The following TTN variants were observed in gnomAD, a reference collection of about 807,000 sequenced individuals.
The protein encoded by TTN is connectin.
In TTN, 1,525 loss-of-function variants were observed where a neutral mutation model predicts 3,223.0. The ratio of observed to expected loss-of-function variants is 0.47; its 90% CI spans 0.45 to 0.49. The LOEUF is 0.49. Among genes scored for constraint, TTN ranks in the 20% least tolerant of loss-of-function variants. The probability of loss-of-function intolerance (pLI) is 0.00; values close to 1 mark genes in which losing one functional copy is unlikely to be tolerated. For synonymous variants in TTN, 14,094 were observed against 15,161.0 expected, an observed-to-expected ratio of 0.93 and a Z score of 5.17; for missense variants, 40,786 against 43,424.0, an observed-to-expected ratio of 0.94 and a Z score of 5.40.
intron 47 of TTN, chr2:178,749,683 T>G (rs752168350): frequency 6.2e-7 from 1 of 1,613,012 alleles, no homozygotes; most frequent in Admixed American, 1.7e-5. Context: ...CACTTTCAAC[T>G]GCCCCTGAAT....
rs997380608 is a variant in TTN, at chr2:178,634,207, G to C, written c.42416-124C>G. 5 of 1,487,564 alleles carry C rather than the reference G, an allele frequency of 3.4e-6. No homozygotes were observed. The Admixed American group carries it at 7.9e-5, about 23-fold the overall frequency. 92.1% of individuals were successfully genotyped at this position (1,487,564 alleles called of 1,614,324 possible). A position where few individuals can be genotyped will look rare whatever the true frequency, so the allele number is the denominator to read the frequency against. On this transcript the variant is annotated intron_variant, in intron 230 of 362. Coordinates refer to ENST00000589042, the MANE Select transcript of TTN (RefSeq NM_001267550.2). This position sits in a 1 kb window ranked among gnomAD's most constrained non-coding sequence, Gnocchi z 4.6. ...ACTTATTTATTCATCTTTCCAAATA[G>C]AGCTCCACTAAAAACAAATTAAGGG... is the stretch of plus-strand genomic sequence containing the variant.
rs1447594243 is a variant in TTN at position 178,704,401 on chromosome 2, G to A, written c.29969C>T (p.Ala9990Val). The A allele has an allele frequency of 6.2e-7, 1 of 1,612,896 alleles. No homozygotes were observed. Among genetic ancestry groups the A allele is most frequent in the African/African-American group, 1.3e-5 (1 of 74,892 alleles). ...ASAKLTVIEP[A>V]WERHLQDVTL... Reference sequence around the variant, plus strand: ...CACATCCTGAAGATGCCGTTCCCATGCAGGCTCTGTTCATGTGATACAACA... The same window carrying A: ...CACATCCTGAAGATGCCGTTCCCATACAGGCTCTGTTCATGTGATACAACA... Residue 9990 changes from alanine to valine, a missense_variant, in exon 106 of 363, where the codon GCA becomes GTA. Coordinates refer to ENST00000589042, the MANE Select transcript of TTN (RefSeq NM_001267550.2).
At chr2:178,797,962 G>C (rs1277111595) in intron 6 of TTN, among the ~76,000 whole-genome samples, 1 of 151,864 alleles carries the variant, frequency 6.6e-6, no homozygotes, top group South Asian at 2.1e-4. Flanking sequence ...TTTGCTTCCA[G>C]ATGGATAGCT....
Position 178,562,874 on chromosome 2 carries a change from C to A in TTN, c.83258G>T (p.Gly27753Val). The A allele has an allele frequency of 1.2e-6, 2 of 1,613,024 alleles. No individual in the cohort carries two copies. The highest frequency in any genetic ancestry group is 1.7e-6 in the Non-Finnish European group (2 of 1,179,508). The change falls in exon 326 of 363, where the codon GGC (glycine) becomes GTC (valine). Residue 27753 changes from glycine (G) to valine (V), a missense_variant. Transcript: ENST00000589042. ...GACGTTAACAAAAGCTGTTTTGGAG[C>A]CACTATTATTTTCTAATGTCAGATT... ...RYNLTLENNS[G>V]SKTAFVNVRV...
At chr2:178,744,640 T>C (rs2083125754) in intron 47 of TTN, 1 of 948,902 alleles carries the variant, frequency 1.1e-6, no homozygotes, top group Non-Finnish European at 1.3e-6. Flanking sequence ...TATTTATATA[T>C]AATCTGAAAT....
At position 178,608,876 on chromosome 2, in the gene TTN, C is replaced by G. The variant is rs770795675; in HGVS notation, c.52135G>C (p.Glu17379Gln). ...AGGACTGAGGTCTTTCTGATATCTT[C>G]AAATACAAAGTTGATTGGTGGTCCC... The part of the protein sequence containing the change: ...TPGPPINFVF[E>Q]DIRKTSVLCK... Residue 17379 changes from glutamate (E) to glutamine (Q), a missense_variant, in exon 274 of 363, where the codon GAA becomes CAA. Physicochemically the swap from Glu to Gln is conservative, Grantham distance 29 (BLOSUM62 2). Coordinates refer to ENST00000589042, the MANE Select transcript of TTN (RefSeq NM_001267550.2). 27 of 1,610,998 alleles carry G rather than the reference C, an allele frequency of 1.7e-5. No individual in the cohort carries two copies. The highest frequency in any genetic ancestry group is 2.7e-5 in the African/African-American group (2 of 74,780).
At chr2:178,726,905 T>A in intron 69 of TTN, 185 bp downstream of exon 69, 1 of 471,378 alleles carries the variant, frequency 2.1e-6, no homozygotes, top group Non-Finnish European at 3.4e-6. Flanking sequence ...TATTTCATAA[T>A]GACTAGTTAC....
In TTN at chr2:178,637,146, G is replaced by GATAT. The variant is rs61216469; in HGVS notation, c.40927+219_40927+222dup. On this transcript the variant is annotated intron_variant, in intron 224 of 362. Coordinates refer to ENST00000589042, the MANE Select transcript of TTN (RefSeq NM_001267550.2). ...GATTCACTATGCTAAAATATAGTTG[G>GATAT]ATATATATATATATATATATATATA... 0.056 allele frequency among the ~76,000 whole-genome samples: 2,747 copies of GATAT among 48,794 alleles called. 273 individuals are homozygous for GATAT. Among genetic ancestry groups the GATAT allele is most frequent in the Non-Finnish European group, 0.073 (1,645 of 22,658 alleles). The allele number at this position is 48,794 out of a possible 152,430, so 32.0% of individuals were successfully genotyped here. A position where few individuals can be genotyped will look rare whatever the true frequency, so the allele number is the denominator to read the frequency against.
chr2:178,612,841 G>C lies in TTN; in HGVS notation c.49880C>G (p.Ala16627Gly), dbSNP rs1037960850. 1.9e-6 allele frequency: 3 copies of C among 1,612,526 alleles called. No individual in the cohort carries two copies. Among genetic ancestry groups the C allele is most frequent in the Non-Finnish European group, 2.5e-6 (3 of 1,179,214 alleles). Residue 16627 changes from alanine (A) to glycine (G), a missense_variant, in exon 265 of 363, where the codon GCT (alanine) becomes GGT (glycine). Physicochemically the swap from Ala to Gly is moderately conservative, Grantham distance 60. Transcript: ENST00000589042. Reference protein sequence around the residue: ...EGQEYSFRVRAVNKAGESEPS... With the variant: ...EGQEYSFRVRGVNKAGESEPS... The stretch of plus-strand genomic sequence containing the variant: ...TTCACTTTCCCCAGCCTTATTCACA[G>C]CTCTAACTCGGAATGAGTATTCCTG...
Position 178,714,095 on chromosome 2 carries a change from C to T in TTN, c.26563G>A (p.Gly8855Ser), listed in dbSNP as rs752090627. ...DTCTLECTVA[G>S]TPELSTKWFK... is the part of the protein sequence containing the mutation. ...CACTTAGTACTGAGTTCAGGGGTGCCAGCTACTGTACACTCCAAGGTACAG... is the reference window on the plus strand; with the variant it reads ...CACTTAGTACTGAGTTCAGGGGTGCTAGCTACTGTACACTCCAAGGTACAG... Residue 8855 changes from glycine to serine, a missense_variant, in exon 92 of 363, where the codon GGC becomes AGC. By Grantham distance (56) the Gly-to-Ser change is moderately conservative (BLOSUM62 0). Transcript: ENST00000589042. 1 of 1,613,656 alleles carries T rather than the reference C, an allele frequency of 6.2e-7. No individual in the cohort carries two copies. The highest frequency in any genetic ancestry group is 1.1e-5 in the South Asian group (1 of 91,064).
chr2:178,573,000 C>A lies in TTN; in HGVS notation c.73132G>T (p.Gly24378Ter). ...DEWQIVTPPAGLKATSYTITG... is the reference protein window; with the variant it reads ...DEWQIVTPPA ...ATAGTATACGAAGTTGCCTTGAGTC[C>A]TGCTGGTGGAGTGACAATCTGCCAT... Residue 24378 changes from glycine to a stop codon, truncating the protein, a stop_gained, in exon 326 of 363, where the codon GGA (glycine) becomes TGA (stop). Coordinates refer to ENST00000589042, the MANE Select transcript of TTN (RefSeq NM_001267550.2). LOFTEE classifies it high-confidence loss of function. 6.2e-7 allele frequency: 1 copy of A among 1,613,122 alleles called. No individual in the cohort carries two copies. Among genetic ancestry groups the A allele is most frequent in the Non-Finnish European group, 8.5e-7 (1 of 1,179,478 alleles).
chr2:178,782,379 C>A lies in TTN; in HGVS notation c.3213G>T (p.Glu1071Asp). 1.2e-6 allele frequency: 2 copies of A among 1,614,096 alleles called. No individual in the cohort carries two copies. The highest frequency in any genetic ancestry group is 3.3e-4 in the Middle Eastern group (2 of 6,062). The change falls in exon 20 of 363, where the codon GAG becomes GAT. Residue 1071 changes from glutamate (E) to aspartate (D), a missense_variant. Physicochemically the swap from Glu to Asp is conservative, Grantham distance 45. Transcript: ENST00000589042. ...DVVMTDTSLT[E>D]EQAGPGEPAA... ...CAGGTTCTCCAGGCCCTGCTTGTTC[C>A]TCTGTGAGGCTAGTATCAGTCATAA...
intron 114 of TTN, 75 bp from the exon 115 acceptor site, chr2:178,695,485 A>C: frequency 8.8e-7 from 1 of 1,142,544 alleles, no homozygotes; most frequent in Non-Finnish European, 1.3e-6. Context: ...TGCAAATGAG[A>C]TAAGGTAAGG....
Position 178,764,616 on chromosome 2 carries a change from T to G in TTN, c.9899A>C (p.Glu3300Ala), listed in dbSNP as rs1359178318. ...DGQEYTLLLI[E>A]AFPEDAAVYT... ...GACTGCCGCATCCTCTGGGAAGGCTTCAATTAGCAAAAGCGTGTATTCTTG... is the reference window on the plus strand; with the variant it reads ...GACTGCCGCATCCTCTGGGAAGGCTGCAATTAGCAAAAGCGTGTATTCTTG... The change falls in exon 42 of 363, where the codon GAA becomes GCA. Residue 3300 changes from glutamate to alanine, a missense_variant. By Grantham distance (107) the Glu-to-Ala change is moderately radical (BLOSUM62 -1). Transcript: ENST00000589042. 6.2e-6 allele frequency: 10 copies of G among 1,614,000 alleles called. No individual in the cohort carries two copies. The highest frequency in any genetic ancestry group is 8.5e-6 in the Non-Finnish European group (10 of 1,180,014).
At chr2:178,756,151 T>C (rs1214778954) in intron 46 of TTN, 71 bp downstream of exon 46, 21 of 1,152,442 alleles carry the variant, frequency 1.8e-5, no homozygotes, top group Non-Finnish European at 2.2e-5. Flanking sequence ...TCGATTGAAT[T>C]TGCATGGCAG....
At position 178,635,297 on chromosome 2, in the gene TTN, T is replaced by C. The variant is rs921715515; in HGVS notation, c.41892A>G (p.Glu13964=). 4.3e-6 allele frequency: 7 copies of C among 1,613,162 alleles called. No homozygotes were observed. Among genetic ancestry groups the C allele is most frequent in the Non-Finnish European group, 5.1e-6 (6 of 1,179,478 alleles). Residue 13964 remains glutamate (E), a synonymous_variant, in exon 228 of 363, where the codon GAA becomes GAG. Transcript: ENST00000589042. ...YPAKLTLGER[E]VELLKPIEDV... ...CCTCTATTGGTTTAAGCAGTTCAAC[T>C]TCACGCTCTGTATTGGTCAGGGATG...
Position 178,568,705 on chromosome 2 carries a change from T to C in TTN, c.77427A>G (p.Val25809=), listed in dbSNP as rs749431732. 1.2e-6 allele frequency: 2 copies of C among 1,613,396 alleles called. No homozygotes were observed. The highest frequency in any genetic ancestry group is 3.3e-5 in the Admixed American group (2 of 59,962). ...DVKPAFSSYS[V]QVGQDLKIEV... Reference sequence around the variant, plus strand: ...CTATTTTCAAATCTTGGCCAACCTGTACACTGTAACTACTGAATGCAGGTT... The same window carrying C: ...CTATTTTCAAATCTTGGCCAACCTGCACACTGTAACTACTGAATGCAGGTT... Residue 25809 remains valine (V), a synonymous_variant, in exon 326 of 363, where the codon GTA becomes GTG. Coordinates refer to ENST00000589042, the MANE Select transcript of TTN (RefSeq NM_001267550.2).
At position 178,618,145 on chromosome 2, in the gene TTN, C is replaced by T. The variant is rs571408715; in HGVS notation, c.47269+44G>A. On this transcript the variant is annotated intron_variant, in intron 252 of 362. Transcript: ENST00000589042. Reference sequence around the variant, plus strand: ...GTAACGATGATGAAGGCAAAGACTGCAATTTACTTAAAAGCTAACTTGAAT... The same window carrying T: ...GTAACGATGATGAAGGCAAAGACTGTAATTTACTTAAAAGCTAACTTGAAT... 1.6e-5 allele frequency: 25 copies of T among 1,609,914 alleles called. No homozygotes were observed. In the South Asian group the frequency reaches 2.4e-4, roughly 16 times the overall value.
chr2:178,720,147 C>A lies in TTN; in HGVS notation c.23495G>T (p.Arg7832Ile), dbSNP rs1300244680. 1.9e-6 allele frequency: 3 copies of A among 1,613,676 alleles called. No homozygotes were observed. In the Admixed American group the frequency reaches 5.0e-5, roughly 27 times the overall value. ...TTCACTCTCTCTGATGACTTCACCT[C>A]TATCTTTCAGCCAGACAACAGAAAT... is the stretch of plus-strand genomic sequence containing the variant. ...QPISVVWLKD[R>I]GEVIRESENT... is the part of the protein sequence containing the mutation. Residue 7832 changes from arginine to isoleucine, a missense_variant, in exon 81 of 363, where the codon AGA becomes ATA. Arg to Ile is a moderately conservative substitution (Grantham distance 97). Coordinates refer to ENST00000589042, the MANE Select transcript of TTN (RefSeq NM_001267550.2).
Sources: allele counts gnomAD v4.1 joint callset (sites outside exome capture counted in the v4.1 genomes callset), GRCh38; gene constraint gnomAD v4.1.1; non-coding constraint Gnocchi (gnomAD v3.1); transcripts MANE v1.5; gene names NCBI Gene and HGNC (gene_info 2026-07-23, HGNC 2026-07-21).